The following WWC1 variants were observed in gnomAD, a reference collection of about 807,000 sequenced individuals.
The protein encoded by WWC1 is WW and C2 domain containing 1.
A neutral mutation model predicts 138.4 loss-of-function variants in WWC1; 55 were observed. The observed-to-expected ratio is 0.40, with a 90% CI of 0.32 to 0.50. WWC1 has a LOEUF of 0.50. Among genes scored for constraint, WWC1 ranks in the 20% least tolerant of loss-of-function variants. The pLI is 0.72. For missense variants in WWC1, 1,226 were observed against 1,420.4 expected (o/e 0.86, Z 2.20); for synonymous variants, 524 against 564.9 (o/e 0.93, Z 1.03).
At chr5:168,445,285 A>G (rs1755143002) in intron 17 of WWC1, among the ~76,000 whole-genome samples, 1 of 151,274 alleles carries the variant, frequency 6.6e-6, no homozygotes, top group African/African-American at 2.4e-5. Context: ...CTGCACTCCA[A>G]CCTGGGTGAT....
At chr5:168,379,031 G>A (rs1260970341) in intron 2 of WWC1, among the ~76,000 whole-genome samples, 1 of 152,154 alleles carries the variant, frequency 6.6e-6, no homozygotes, top group African/African-American at 2.4e-5. Context: ...TGTATGGCGT[G>A]TGTTTGTAGG....
intron 3 of WWC1, among the ~76,000 whole-genome samples, chr5:168,392,609 C>A (rs2152825752): frequency 6.6e-6 from 1 of 152,286 alleles, no homozygotes; most frequent in East Asian, 1.9e-4. Context: ...AGGAGGATTC[C>A]CTGAGTCCAG....
intron 1 of WWC1, among the ~76,000 whole-genome samples, chr5:168,323,154 C>T (rs1772255661): frequency 6.6e-6 from 1 of 152,112 alleles, no homozygotes; most frequent in African/African-American, 2.4e-5. Flanking sequence ...ATGAAAATTA[C>T]AACATCTGAT....
rs1224851465 is a variant in WWC1, at chr5:168,321,451, A to G, written c.119+29180A>G. ...AACCTCCTTCTCAGGGCCCAGCTTA[A>G]AAGTTAGTTCCTCAAGAAATCATTC... On this transcript the variant is annotated intron_variant, in intron 1 of 22. Transcript: ENST00000265293. Among the ~76,000 whole-genome samples the G allele has an allele frequency of 2.0e-5, 3 of 152,020 alleles. No individual in the cohort carries two copies. The East Asian group carries it at 5.8e-4, about 29-fold the overall frequency.
chr5:168,329,714 G>A (rs1326178982), intron 1 of WWC1, among the ~76,000 whole-genome samples: 1 of 152,174 alleles, frequency 6.6e-6, no homozygotes, highest in Non-Finnish European at 1.5e-5. Flanking sequence ...CTGCTGCCAG[G>A]GAGGTCAGTG....
At chr5:168,305,760 G>A (rs1054633793) in intron 1 of WWC1, among the ~76,000 whole-genome samples, 2 of 152,114 alleles carry the variant, frequency 1.3e-5, no homozygotes, top group Non-Finnish European at 2.9e-5. Flanking sequence ...TATTAGACTC[G>A]TCAGATCACT....
chr5:168,366,469 GT>G (rs1395909151), intron 1 of WWC1, among the ~76,000 whole-genome samples: 2 of 152,104 alleles, frequency 1.3e-5, no homozygotes. Flanking sequence ...AACCCAAAGT[GT>G]TTCTCTCTCC....
intron 15 of WWC1, among the ~76,000 whole-genome samples, chr5:168,439,966 G>A (rs1754603705): frequency 6.6e-6 from 1 of 152,130 alleles, no homozygotes; most frequent in African/African-American, 2.4e-5. Flanking sequence ...ACCTCACTTG[G>A]AATTAATTAC....
chr5:168,331,659 G>C (rs1581940658), intron 1 of WWC1, among the ~76,000 whole-genome samples: 1 of 152,170 alleles, frequency 6.6e-6, no homozygotes, highest in Non-Finnish European at 1.5e-5. Context: ...AAATAATGTC[G>C]TTTCTGTTAA....
intron 1 of WWC1, among the ~76,000 whole-genome samples, chr5:168,300,107 G>A (rs1769929524): frequency 6.6e-6 from 1 of 151,452 alleles, no homozygotes; most frequent in Admixed American, 6.6e-5. Context: ...TCCCAGCATG[G>A]AGATGGCCAG....
At chr5:168,364,592 G>A (rs775012797) in intron 1 of WWC1, among the ~76,000 whole-genome samples, 4 of 152,324 alleles carry the variant, frequency 2.6e-5, no homozygotes, top group Non-Finnish European at 5.9e-5. Context: ...CTGAGCCCTC[G>A]TAGTGCCTAG....
chr5:168,424,250 G>T (rs1156718736), intron 11 of WWC1, among the ~76,000 whole-genome samples, 182 bp downstream of exon 11: 1 of 152,236 alleles, frequency 6.6e-6, no homozygotes, highest in Non-Finnish European at 1.5e-5. Context: ...GAGGTCCTGT[G>T]TGAAGGGTTT....
rs1757567369 is a variant in WWC1 at position 168,469,364 on chromosome 5, G to T, written c.*347G>T. On this transcript the variant is annotated 3_prime_UTR_variant, in exon 23 of 23. Coordinates refer to ENST00000265293, the MANE Select transcript of WWC1 (RefSeq NM_015238.3). ...TCTTAAAATCGTTTAGATTTTTTTT[G>T]GTTTGTACAGCTCCACCTTTTAGAG... 2 of 264,722 alleles carry T rather than the reference G, an allele frequency of 7.6e-6. No individual in the cohort carries two copies. Among genetic ancestry groups the T allele is most frequent in the Admixed American group, 4.8e-5 (1 of 20,690 alleles). 16.4% of individuals were successfully genotyped at this position (264,722 alleles called of 1,614,324 possible).
At chr5:168,362,206 T>A (rs937034272) in intron 1 of WWC1, among the ~76,000 whole-genome samples, 6 of 152,234 alleles carry the variant, frequency 3.9e-5, no homozygotes, top group African/African-American at 1.2e-4. Flanking sequence ...GTGGGGCAGG[T>A]CTGAATGGTA....
intron 21 of WWC1, among the ~76,000 whole-genome samples, chr5:168,466,260 A>T (rs927044830): frequency 6.6e-6 from 1 of 152,220 alleles, no homozygotes; most frequent in South Asian, 2.1e-4. Flanking sequence ...CCAGACTGCC[A>T]TGAAGAAATA....
Position 168,414,363 on chromosome 5 carries a change from G to T in WWC1, c.957G>T (p.Lys319Asn). ...TGGCCCCCAGGATCGCCAACCTGAAGATCCAGCTGGCCAAGCTTGACAGTG... is the reference window on the plus strand; with the variant it reads ...TGGCCCCCAGGATCGCCAACCTGAATATCCAGCTGGCCAAGCTTGACAGTG... Reference protein sequence around the residue: ...EEAKRRIANLKIQLAKLDSEA... With the variant: ...EEAKRRIANLNIQLAKLDSEA... The change falls in exon 9 of 23, where the codon AAG (lysine) becomes AAT (asparagine). Residue 319 changes from lysine to asparagine, a missense_variant. Coordinates refer to ENST00000265293, the MANE Select transcript of WWC1 (RefSeq NM_015238.3). The T allele has an allele frequency of 6.2e-7, 1 of 1,611,686 alleles. No individual in the cohort carries two copies. Among genetic ancestry groups the T allele is most frequent in the Non-Finnish European group, 8.5e-7 (1 of 1,179,140 alleles).
intron 11 of WWC1, among the ~76,000 whole-genome samples, chr5:168,424,886 C>T (rs888421641): frequency 1.3e-5 from 2 of 152,070 alleles, no homozygotes; most frequent in Non-Finnish European, 2.9e-5. Flanking sequence ...TTGGTGTTGG[C>T]CGGAATTTAA....
At chr5:168,386,771 C>G (rs924029343) in intron 3 of WWC1, among the ~76,000 whole-genome samples, 3 of 152,048 alleles carry the variant, frequency 2.0e-5, no homozygotes, top group African/African-American at 2.4e-5. Flanking sequence ...CAGCAATTCT[C>G]CTGCCTCAGT....
chr5:168,438,313 TACCCC>T (rs1754428206), intron 15 of WWC1, among the ~76,000 whole-genome samples: 1 of 152,118 alleles, frequency 6.6e-6, no homozygotes, highest in Non-Finnish European at 1.5e-5. Flanking sequence ...TGGGGGCTGT[TACCCC>T]CATGCTGCTG....
Sources: gnomAD v4.1 joint callset for allele counts (sites outside exome capture counted in the v4.1 genomes callset) on GRCh38, gnomAD v4.1.1 for gene constraint, MANE v1.5 for transcripts, NCBI Gene and HGNC (gene_info 2026-07-23, HGNC 2026-07-21) for gene names.